Variants in PRKG1 observed in about 807,000 individuals in gnomAD.
The protein encoded by PRKG1 is protein kinase cGMP-dependent 1, also known as cGMP-dependent protein kinase 1.
In PRKG1, 35 loss-of-function variants were observed where a neutral mutation model predicts 88.1. The observed-to-expected ratio is 0.40, with a 90% CI of 0.30 to 0.53. The LOEUF (loss-of-function observed/expected upper bound fraction) is 0.53, where lower values mean the gene tolerates loss of function less well. Among genes scored for constraint, PRKG1 ranks in the 20% least tolerant of loss-of-function variants. The pLI is 0.59. For missense variants in PRKG1, 540 were observed against 839.8 expected, an observed-to-expected ratio of 0.64 and a Z score of 4.41; for synonymous variants, 303 against 292.5, an observed-to-expected ratio of 1.04 and a Z score of -0.37.
chr10:51,935,828 C>T (rs1188697115), intron 5 of PRKG1, among the ~76,000 whole-genome samples: 1 of 152,050 alleles, frequency 6.6e-6, no homozygotes, highest in African/African-American at 2.4e-5. Flanking sequence ...TAGGTATTCA[C>T]CACAGTGAAG....
At chr10:51,519,734 A>G (rs1376368231) in intron 3 of PRKG1, among the ~76,000 whole-genome samples, 1 of 152,152 alleles carries the variant, frequency 6.6e-6, no homozygotes, top group African/African-American at 2.4e-5. Context: ...CATCATTTAT[A>G]TAGGAACAGC....
rs1845810396 is a variant in PRKG1 at position 51,141,141 on chromosome 10, GC to G, written c.312-12021del. Among the ~76,000 whole-genome samples the G allele has an allele frequency of 2.6e-5, 4 of 152,236 alleles. No homozygotes were observed. The South Asian group carries it at 8.3e-4, about 32-fold the overall frequency. The stretch of plus-strand genomic sequence containing the variant: ...CCTGTCCCTGATTTCTGGAATCTCA[GC>G]CTGAAAAAGACCTCAGCATCCACCT... On this transcript the variant is annotated intron_variant, in intron 1 of 17. Coordinates refer to ENST00000373980, the MANE Select transcript of PRKG1 (RefSeq NM_006258.4).
intron 5 of PRKG1, among the ~76,000 whole-genome samples, chr10:52,005,591 G>A (rs190782044): frequency 6.6e-6 from 1 of 152,248 alleles, no homozygotes; most frequent in African/African-American, 2.4e-5. Flanking sequence ...GTAAGCACAT[G>A]GACAGTAACA....
intron 2 of PRKG1, among the ~76,000 whole-genome samples, chr10:51,216,415 A>G (rs574736596): frequency 2.0e-5 from 3 of 152,378 alleles, no homozygotes; most frequent in Admixed American, 6.5e-5. Flanking sequence ...CTCCGGAGCC[A>G]GACTGCCTTG....
intron 4 of PRKG1, among the ~76,000 whole-genome samples, chr10:51,815,132 C>G (rs1839552771): frequency 6.6e-6 from 1 of 152,152 alleles, no homozygotes; most frequent in Non-Finnish European, 1.5e-5. Flanking sequence ...CATAAGAATA[C>G]TTTCTCAAAA....
At chr10:51,112,749 T>C (rs916447711) in intron 1 of PRKG1, among the ~76,000 whole-genome samples, 1 of 152,188 alleles carries the variant, frequency 6.6e-6, no homozygotes, top group Non-Finnish European at 1.5e-5. Flanking sequence ...TTTTAAATTT[T>C]CAGTCTTCTT....
chr10:51,298,382 T>C (rs1369932426), intron 2 of PRKG1, among the ~76,000 whole-genome samples: 1 of 152,208 alleles, frequency 6.6e-6, no homozygotes, highest in African/African-American at 2.4e-5. Context: ...GATTAAAAAT[T>C]CCAGCTCCAC....
At chr10:51,528,039 C>G (rs1841925357) in intron 3 of PRKG1, among the ~76,000 whole-genome samples, 1 of 152,140 alleles carries the variant, frequency 6.6e-6, no homozygotes, top group Non-Finnish European at 1.5e-5. Flanking sequence ...TGGTTTATAG[C>G]TTGCCGTGCT....
At chr10:51,514,054 A>G (rs578244388) in intron 3 of PRKG1, among the ~76,000 whole-genome samples, 2 of 143,984 alleles carry the variant, frequency 1.4e-5, no homozygotes, top group Admixed American at 7.1e-5. Context: ...CAATGAATCC[A>G]GGAGCTGGTT....
rs1842392121 is a variant in PRKG1 at position 52,296,777 on chromosome 10, T to C, written c.*2877T>C. ...ATTGAATACATTTGAAAAAATAATT[T>C]CTGGAAAAACGCTATACATGCTTTT... is the stretch of plus-strand genomic sequence containing the variant. On this transcript the variant is annotated 3_prime_UTR_variant, in exon 18 of 18. Transcript: ENST00000373980. 1.3e-5 allele frequency: 2 copies of C among 152,082 alleles called. No individual in the cohort carries two copies. Among genetic ancestry groups the C allele is most frequent in the African/African-American group, 2.4e-5 (1 of 41,440 alleles). The allele number at this position is 152,082 out of a possible 1,614,324, so 9.4% of individuals were successfully genotyped here.
At chr10:52,084,247 T>A (rs955344824) in intron 7 of PRKG1, among the ~76,000 whole-genome samples, 1 of 151,992 alleles carries the variant, frequency 6.6e-6, no homozygotes, top group Non-Finnish European at 1.5e-5. Context: ...TGCATTTCAT[T>A]TACACAACAC....
intron 7 of PRKG1, among the ~76,000 whole-genome samples, chr10:52,119,012 A>G (rs1331134865): frequency 6.6e-6 from 1 of 151,908 alleles, no homozygotes; most frequent in Admixed American, 6.6e-5. Context: ...TTATTGTGAG[A>G]ATCTATTATT....
At chr10:51,668,901 T>A (rs1564598365) in intron 3 of PRKG1, among the ~76,000 whole-genome samples, 1 of 152,176 alleles carries the variant, frequency 6.6e-6, no homozygotes, top group Admixed American at 6.5e-5. Flanking sequence ...TAACTGAAGG[T>A]AGCTTTAGAC....
intron 3 of PRKG1, among the ~76,000 whole-genome samples, chr10:51,791,936 G>T (rs1362071307): frequency 6.6e-6 from 1 of 152,108 alleles, no homozygotes; most frequent in Non-Finnish European, 1.5e-5. Context: ...ATGTTTAAGG[G>T]ATTATGGGAG....
At chr10:51,697,066 C>CAGTA (rs1841313418) in intron 3 of PRKG1, 1 of 152,164 alleles carries the variant, frequency 6.6e-6, no homozygotes, top group South Asian at 2.1e-4. Context: ...AATGAAGCAA[C>CAGTA]AGTAAATCAG....
chr10:52,282,280 C>A lies in PRKG1; in HGVS notation c.1673C>A (p.Ser558Ter). 6.2e-7 allele frequency: 1 copy of A among 1,608,768 alleles called. No individual in the cohort carries two copies. Among genetic ancestry groups the A allele is most frequent in the South Asian group, 1.1e-5 (1 of 90,352 alleles). ...KGHDISADYWSLGILMYELLT... is the reference protein window; with the variant it reads ...KGHDISADYW The stretch of plus-strand genomic sequence containing the variant: ...CATGACATTTCAGCCGACTACTGGT[C>A]ACTGGGAATCCTAATGTATGAACTC... The change falls in exon 14 of 18, where the codon TCA becomes TAA. Residue 558 changes from serine (S) to a stop codon, truncating the protein, a stop_gained. Transcript: ENST00000373980. LOFTEE classifies it high-confidence loss of function.
chr10:51,926,443 G>T (rs1294124011), intron 5 of PRKG1, among the ~76,000 whole-genome samples: 1 of 152,192 alleles, frequency 6.6e-6, no homozygotes, highest in East Asian at 1.9e-4. Context: ...GATGAGGATT[G>T]TTATTTGTAC....
intron 3 of PRKG1, among the ~76,000 whole-genome samples, chr10:51,528,754 AG>A (rs1841945330): frequency 6.6e-6 from 1 of 152,152 alleles, no homozygotes; most frequent in South Asian, 2.1e-4. Context: ...AACCATGCAG[AG>A]GACAGCCCCA....
At chr10:52,191,423 C>G (rs543473026) in intron 9 of PRKG1, among the ~76,000 whole-genome samples, 68 of 152,134 alleles carry the variant, frequency 4.5e-4, no homozygotes, top group African/African-American at 1.6e-3. Context: ...CCGCCTTGGC[C>G]TCCCAAAGTG....
Sources: allele counts gnomAD v4.1 joint callset (sites outside exome capture counted in the v4.1 genomes callset), GRCh38; gene constraint gnomAD v4.1.1; transcripts MANE v1.5; gene names NCBI Gene and HGNC (gene_info 2026-07-23, HGNC 2026-07-21).